Variants in HDAC9 observed in about 807,000 individuals in gnomAD.
HDAC9 encodes the protein MEF-2 interacting transcription repressor (MITR) protein.
HDAC9 carries 41 observed loss-of-function variants against 139.4 expected under a neutral mutation model. That is an observed-to-expected ratio of 0.29 (90% confidence interval 0.23 to 0.38). HDAC9 has a LOEUF of 0.38. HDAC9 is among the 10% of genes least tolerant of loss of function. The pLI is 1.00. For missense variants in HDAC9, 1,147 were observed against 1,297.0 expected (o/e 0.88, Z 1.78); for synonymous variants, 517 against 476.2 (o/e 1.09, Z -1.12).
intron 22 of HDAC9, among the ~76,000 whole-genome samples, chr7:18,919,283 A>C (rs1178807774): frequency 6.6e-6 from 1 of 152,036 alleles, no homozygotes; most frequent in East Asian, 1.9e-4. Flanking sequence ...GTAACTGTTT[A>C]TACTTCATCA....
intron 1 of HDAC9, among the ~76,000 whole-genome samples, chr7:18,453,831 A>G (rs1477239589): frequency 5.3e-5 from 8 of 152,202 alleles, no homozygotes; most frequent in Admixed American, 1.3e-4. Flanking sequence ...CAAACAGTAC[A>G]CTTGCTAAAG....
intron 1 of HDAC9, among the ~76,000 whole-genome samples, chr7:18,304,923 C>T (rs1798810934): frequency 6.6e-6 from 1 of 151,448 alleles, no homozygotes; most frequent in Admixed American, 6.6e-5. Flanking sequence ...CTGCTGTCCC[C>T]AACTAGTGAA....
intron 2 of HDAC9, among the ~76,000 whole-genome samples, chr7:18,284,775 T>C (rs1384554115): frequency 6.6e-6 from 1 of 152,096 alleles, no homozygotes; most frequent in Non-Finnish European, 1.5e-5. Flanking sequence ...TAGATACAGG[T>C]AGATTTCTTT....
intron 1 of HDAC9, among the ~76,000 whole-genome samples, chr7:18,161,599 G>A (rs1787631705): frequency 2.0e-5 from 3 of 152,156 alleles, no homozygotes; most frequent in Non-Finnish European, 1.5e-5. Context: ...ATTAAAAGCA[G>A]AAAGTCCCTT....
intron 24 of HDAC9, among the ~76,000 whole-genome samples, chr7:18,960,682 A>G (rs1206194155): frequency 1.3e-5 from 2 of 152,186 alleles, no homozygotes; most frequent in Non-Finnish European, 2.9e-5. Flanking sequence ...GGAAAAGGCT[A>G]TAAAAGTAAA....
At chr7:18,248,772 A>G (rs1442475125) in intron 2 of HDAC9, among the ~76,000 whole-genome samples, 2 of 152,208 alleles carry the variant, frequency 1.3e-5, no homozygotes, top group East Asian at 1.9e-4. Context: ...TTTATCTGCT[A>G]TGTGCCAAGT....
intron 12 of HDAC9, among the ~76,000 whole-genome samples, chr7:18,725,592 T>C (rs1363073429): frequency 6.6e-6 from 1 of 152,098 alleles, no homozygotes; most frequent in Non-Finnish European, 1.5e-5. Flanking sequence ...TAGGAGCTTT[T>C]TGCCATGTCT....
At chr7:18,992,794 A>G (rs913527103) in intron 25 of HDAC9, among the ~76,000 whole-genome samples, 1 of 152,180 alleles carries the variant, frequency 6.6e-6, no homozygotes, top group Non-Finnish European at 1.5e-5. Context: ...TATCAATGAC[A>G]GAAAACTATC....
chr7:18,262,012 CT>C (rs1795713342), intron 2 of HDAC9, among the ~76,000 whole-genome samples: 1 of 152,196 alleles, frequency 6.6e-6, no homozygotes, highest in Admixed American at 6.5e-5. Context: ...ATCAAATCCC[CT>C]GATGTACACC....
intron 25 of HDAC9, among the ~76,000 whole-genome samples, chr7:18,984,931 T>A (rs887890929): frequency 3.3e-5 from 5 of 152,158 alleles, no homozygotes; most frequent in African/African-American, 1.2e-4. Flanking sequence ...ATATGTTTGC[T>A]TTTGTTGGGC....
chr7:18,287,580 G>A (rs987508079), upstream of HDAC9, among the ~76,000 whole-genome samples: 3 of 152,188 alleles, frequency 2.0e-5, no homozygotes, highest in African/African-American at 4.8e-5. Flanking sequence ...ATTCTGTGCT[G>A]CTGGGGCTCA....
intron 2 of HDAC9, among the ~76,000 whole-genome samples, chr7:18,280,063 G>A (rs181003587): frequency 2.0e-5 from 3 of 152,202 alleles, no homozygotes; most frequent in Admixed American, 1.3e-4. Context: ...AATATTTAAG[G>A]ACCTACGTCA....
At chr7:18,907,465 T>A (rs1802365136) in intron 22 of HDAC9, among the ~76,000 whole-genome samples, 1 of 152,238 alleles carries the variant, frequency 6.6e-6, no homozygotes, top group South Asian at 2.1e-4. Flanking sequence ...GTCAAGATTA[T>A]ATCACCTAGC....
At position 18,258,120 on chromosome 7, in the gene HDAC9, G is replaced by A. The variant is rs888081710; in HGVS notation, c.25+95771G>A. On this transcript the variant is annotated intron_variant, in intron 2 of 12. Transcript: ENST00000417496. ...TTAACTGAGTTTAGATAAACATTAT[G>A]GAGCAGTAAATTTGGAGATTTTTCT... 2.0e-5 allele frequency among the ~76,000 whole-genome samples: 3 copies of A among 152,280 alleles called. No individual in the cohort carries two copies. The East Asian group carries it at 5.8e-4, about 29-fold the overall frequency.
chr7:18,113,246 G>A (rs372218199), intron 1 of HDAC9, among the ~76,000 whole-genome samples: 4 of 152,142 alleles, frequency 2.6e-5, no homozygotes, highest in East Asian at 3.9e-4. Context: ...TATGAATAAA[G>A]TATAGATTAA....
intron 1 of HDAC9, among the ~76,000 whole-genome samples, chr7:18,308,480 T>G (rs1223998179): frequency 6.6e-6 from 1 of 152,210 alleles, no homozygotes; most frequent in African/African-American, 2.4e-5. Context: ...CCTTTCAAAA[T>G]GATATTTAAT....
At chr7:18,392,315 T>TCACACACACACACA (rs57932620) in intron 1 of HDAC9, among the ~76,000 whole-genome samples, 5 of 119,296 alleles carry the variant, frequency 4.2e-5, no homozygotes, top group Admixed American at 8.4e-5. Flanking sequence ...TCTCTCTCTC[T>TCACACACACACACA]CACACACACA....
At chr7:18,447,154 T>G (rs1240266081) in intron 1 of HDAC9, among the ~76,000 whole-genome samples, 1 of 152,076 alleles carries the variant, frequency 6.6e-6, no homozygotes, top group Non-Finnish European at 1.5e-5. Context: ...CATTGACCTT[T>G]TAAAAAATCC....
At chr7:18,735,863 T>A (rs1227410300) in intron 13 of HDAC9, among the ~76,000 whole-genome samples, 1 of 152,262 alleles carries the variant, frequency 6.6e-6, no homozygotes, top group Non-Finnish European at 1.5e-5. Context: ...TTCCTAACCA[T>A]GAGCATAGAA....
Sources: gnomAD v4.1 joint callset for allele counts (sites outside exome capture counted in the v4.1 genomes callset) on GRCh38, gnomAD v4.1.1 for gene constraint, MANE v1.5 for transcripts, NCBI Gene and HGNC (gene_info 2026-07-23, HGNC 2026-07-21) for gene names.